Variants in CSMD1 observed in about 807,000 individuals in gnomAD.
CSMD1 encodes CUB and sushi domain-containing protein 1.
Under a neutral mutation model 417.5 loss-of-function variants are expected in CSMD1, and 213 were observed. The observed-to-expected ratio is 0.51, with a 90% confidence interval of 0.46 to 0.57. The LOEUF (loss-of-function observed/expected upper bound fraction) is 0.57. Among genes scored for constraint, CSMD1 ranks in the 20% least tolerant of loss-of-function variants. CSMD1 has a pLI of 0.00. For missense variants in CSMD1, 6,923 were observed against 4,529.7 expected, an observed-to-expected ratio of 1.53 and a Z score of -15.17; for synonymous variants, 2,862 against 1,736.8, an observed-to-expected ratio of 1.65 and a Z score of -16.11.
At chr8:3,528,761 T>G (rs2117495743) in intron 10 of CSMD1, among the ~76,000 whole-genome samples, 1 of 152,318 alleles carries the variant, frequency 6.6e-6, no homozygotes, top group South Asian at 2.1e-4. Context: ...GACTATTAAT[T>G]TCCTGCAAAA....
intron 2 of CSMD1, among the ~76,000 whole-genome samples, chr8:4,580,323 A>G (rs1222056552): frequency 6.6e-6 from 1 of 152,194 alleles, no homozygotes; most frequent in Non-Finnish European, 1.5e-5. Context: ...AGGTACATGA[A>G]AGACATGAGC....
At chr8:4,943,123 G>C (rs1232615059) in intron 1 of CSMD1, among the ~76,000 whole-genome samples, 1 of 152,188 alleles carries the variant, frequency 6.6e-6, no homozygotes, top group Admixed American at 6.5e-5. Context: ...GAAGGAATTA[G>C]TGGAGGATTA....
rs572373508 is a variant in CSMD1 at position 4,828,339 on chromosome 8, G to A, written c.85+165993C>T. On this transcript the variant is annotated intron_variant, in intron 1 of 69. Coordinates refer to ENST00000635120, the MANE Select transcript of CSMD1 (RefSeq NM_033225.6). The stretch of plus-strand genomic sequence containing the variant: ...TTTTCTTATAGCCACAAGAAAATAA[G>A]GTAGCATAAGCCCAATTGTTGACCT... Among the ~76,000 whole-genome samples the A allele has an allele frequency of 4.6e-5, 7 of 152,212 alleles. No homozygotes were observed. In the South Asian group the frequency reaches 1.2e-3, roughly 27 times the overall value.
chr8:3,382,310 G>A (rs1810677405), intron 18 of CSMD1, among the ~76,000 whole-genome samples: 1 of 147,232 alleles, frequency 6.8e-6, no homozygotes, highest in African/African-American at 2.5e-5. Flanking sequence ...AAGTTTATTG[G>A]GTTAGGGTTA....
At chr8:4,682,294 G>A (rs1355723781) in intron 1 of CSMD1, among the ~76,000 whole-genome samples, 2 of 152,116 alleles carry the variant, frequency 1.3e-5, no homozygotes, top group East Asian at 1.9e-4. Flanking sequence ...GCCTCCCAAA[G>A]TTCTAGGAAT....
intron 5 of CSMD1, among the ~76,000 whole-genome samples, chr8:3,845,301 G>A (rs769062201): frequency 2.0e-5 from 3 of 152,160 alleles, no homozygotes; most frequent in Non-Finnish European, 4.4e-5. Context: ...CAGAAACCTA[G>A]GTGGACTAGC....
intron 10 of CSMD1, among the ~76,000 whole-genome samples, chr8:3,542,535 G>T (rs1197819586): frequency 3.3e-5 from 5 of 152,178 alleles, no homozygotes; most frequent in South Asian, 2.1e-4. Context: ...TGCTGGCAGG[G>T]ACTGGGAAGG....
chr8:3,197,036 A>G (rs1356843782), intron 33 of CSMD1, among the ~76,000 whole-genome samples: 1 of 152,220 alleles, frequency 6.6e-6, no homozygotes, highest in Non-Finnish European at 1.5e-5. Flanking sequence ...GCTCTCAAGA[A>G]GTGTGGAAAA....
Position 4,096,710 on chromosome 8 carries a change from C to G in CSMD1, c.416-64611G>C, listed in dbSNP as rs78461408. ...TTTCCAAAAGCGTCACTCACTAATC[C>G]ATAGGTAATCATCTGAGAAAATAAA... On this transcript the variant is annotated intron_variant, in intron 3 of 69. Transcript: ENST00000635120. 1.9e-3 allele frequency among the ~76,000 whole-genome samples: 284 copies of G among 152,264 alleles called. 5 individuals are homozygous for G. The East Asian group carries it at 0.019, about 10-fold the overall frequency.
chr8:3,814,169 G>C (rs890033773), intron 5 of CSMD1, among the ~76,000 whole-genome samples: 5 of 152,212 alleles, frequency 3.3e-5, no homozygotes, highest in Admixed American at 3.3e-4. Context: ...CAGCGTGGAA[G>C]TCAAGATGCA....
At chr8:3,741,302 G>A (rs546131916) in intron 6 of CSMD1, among the ~76,000 whole-genome samples, 6 of 149,652 alleles carry the variant, frequency 4.0e-5, no homozygotes, top group Admixed American at 2.7e-4. Flanking sequence ...GTAGGTCAGA[G>A]ACTAAATGTT....
At chr8:3,569,910 A>G (rs1034459385) in intron 10 of CSMD1, among the ~76,000 whole-genome samples, 1 of 152,226 alleles carries the variant, frequency 6.6e-6, no homozygotes, top group African/African-American at 2.4e-5. Context: ...ATAAATGACA[A>G]AGGGCAAATA....
chr8:3,180,783 C>G (rs1821272939), intron 37 of CSMD1, among the ~76,000 whole-genome samples: 1 of 152,044 alleles, frequency 6.6e-6, no homozygotes, highest in Non-Finnish European at 1.5e-5. Context: ...GCGCCCGTCA[C>G]CATGCCCAGC....
At chr8:4,270,134 G>C (rs191880333) in intron 3 of CSMD1, among the ~76,000 whole-genome samples, 2 of 152,296 alleles carry the variant, frequency 1.3e-5, no homozygotes, top group East Asian at 1.9e-4. Flanking sequence ...GTTGTGATAG[G>C]GAGGCTGGAA....
At chr8:4,878,775 T>A (rs775833656) in intron 1 of CSMD1, among the ~76,000 whole-genome samples, 1 of 151,278 alleles carries the variant, frequency 6.6e-6, no homozygotes, top group Non-Finnish European at 1.5e-5. Flanking sequence ...GGTTTTAAGA[T>A]TATAGTTTGA....
intron 3 of CSMD1, among the ~76,000 whole-genome samples, chr8:4,320,467 C>A (rs192277461): frequency 1.3e-5 from 2 of 151,810 alleles, no homozygotes; most frequent in African/African-American, 4.8e-5. Context: ...TATCAACCTG[C>A]GATCTACATT....
chr8:4,654,368 C>T (rs1804094806), intron 1 of CSMD1, among the ~76,000 whole-genome samples: 1 of 152,106 alleles, frequency 6.6e-6, no homozygotes, highest in Admixed American at 6.5e-5. Flanking sequence ...AATTCCCCTG[C>T]TGGGTCTCCA....
At chr8:4,342,272 G>T (rs1276698494) in intron 3 of CSMD1, among the ~76,000 whole-genome samples, 1 of 145,008 alleles carries the variant, frequency 6.9e-6, no homozygotes, top group Non-Finnish European at 1.6e-5. Context: ...TGTGTGTAGA[G>T]GGATATTTAA....
intron 3 of CSMD1, among the ~76,000 whole-genome samples, chr8:4,096,625 G>T (rs1242728064): frequency 6.6e-6 from 1 of 152,104 alleles, no homozygotes; most frequent in African/African-American, 2.4e-5. Context: ...TACAATGAAA[G>T]ATATCTTAAA....
Sources: allele counts gnomAD v4.1 joint callset (sites outside exome capture counted in the v4.1 genomes callset), GRCh38; gene constraint gnomAD v4.1.1; transcripts MANE v1.5; gene names NCBI Gene and HGNC (gene_info 2026-07-23, HGNC 2026-07-21).